The following MID1 variants were observed in gnomAD, a reference collection of about 807,000 sequenced individuals.
The protein encoded by MID1 is midline 1, also known as E3 ubiquitin-protein ligase Midline-1.
Under a neutral mutation model 40.4 loss-of-function variants are expected in MID1, and 7 were observed. The observed-to-expected ratio is 0.17, with a 90% CI of 0.10 to 0.33. The LOEUF (loss-of-function observed/expected upper bound fraction) is 0.33. Among genes scored for constraint, MID1 ranks in the 10% least tolerant of loss-of-function variants. MID1 has a pLI of 1.00. For synonymous variants in MID1, 229 were observed against 221.2 expected, an observed-to-expected ratio of 1.04 and a Z score of -0.31; for missense variants, 367 against 558.5, an observed-to-expected ratio of 0.66 and a Z score of 3.46.
At chrX:10,638,367 A>C (rs750877784) in intron 1 of MID1, among the ~76,000 whole-genome samples, 1 of 112,225 alleles carries the variant, frequency 8.9e-6, no homozygotes, top group East Asian at 2.8e-4. Context: ...TATCCTGCGC[A>C]TGGCTCGGAG....
At position 10,563,820 on chromosome X, in the gene MID1, A is replaced by G. The variant is rs141222010; in HGVS notation, c.660+3068T>C. ...ACGAGTTCAACATGTTAGAATTTTT[A>G]TCTCTTTTTCTTTTACACTTAGAAA... On this transcript the variant is annotated intron_variant, in intron 2 of 9. Coordinates refer to ENST00000317552, the MANE Select transcript of MID1 (RefSeq NM_000381.4). Among the ~76,000 whole-genome samples the G allele has an allele frequency of 5.3e-3, 599 of 112,272 alleles. 5 individuals are homozygous for G. The highest frequency in any genetic ancestry group is 0.018 in the African/African-American group (558 of 30,945).
At chrX:10,672,515 C>T (rs758743136) in intron 1 of MID1, among the ~76,000 whole-genome samples, 39 of 110,525 alleles carry the variant, frequency 3.5e-4, no homozygotes, top group Admixed American at 3.0e-3. Context: ...GGCAATGTGA[C>T]GAATGAAGCA....
At chrX:10,533,421 A>AAGAAAGAAAG (rs1933105075) in intron 2 of MID1, among the ~76,000 whole-genome samples, 2 of 106,260 alleles carry the variant, frequency 1.9e-5, no homozygotes, top group African/African-American at 6.8e-5. Flanking sequence ...GAAAGAAAGA[A>AAGAAAGAAAG]AGAAAGAAAG....
chrX:10,734,719 G>A (rs1179340664), intron 1 of MID1, among the ~76,000 whole-genome samples: 1 of 111,659 alleles, frequency 9.0e-6, no homozygotes, highest in African/African-American at 3.3e-5. Context: ...ATAGGTATGA[G>A]TCCATGTCTA....
At chrX:10,616,027 T>C (rs928803538) in intron 1 of MID1, among the ~76,000 whole-genome samples, 1 of 112,111 alleles carries the variant, frequency 8.9e-6, no homozygotes, top group African/African-American at 3.2e-5. Flanking sequence ...TAACTAATTG[T>C]TCCAAATAAG....
At chrX:10,544,752 T>C (rs1381833234) in intron 2 of MID1, among the ~76,000 whole-genome samples, 1 of 111,906 alleles carries the variant, frequency 8.9e-6, no homozygotes, top group Non-Finnish European at 1.9e-5. Flanking sequence ...ATAATTCTTA[T>C]CTAGCTCTCT....
chrX:10,724,442 T>G (rs980422625), intron 1 of MID1, among the ~76,000 whole-genome samples: 1 of 112,019 alleles, frequency 8.9e-6, no homozygotes, highest in Non-Finnish European at 1.9e-5. Context: ...GATGTTCATC[T>G]TGAAGGAGCT....
At chrX:10,770,859 A>G (rs1042001504) in intron 1 of MID1, among the ~76,000 whole-genome samples, 1 of 111,893 alleles carries the variant, frequency 8.9e-6, no homozygotes, top group Non-Finnish European at 1.9e-5. Flanking sequence ...AAATCCCAGC[A>G]CTTTGGGAGG....
intron 1 of MID1, among the ~76,000 whole-genome samples, chrX:10,805,864 G>A (rs2044041919): frequency 9.2e-6 from 1 of 109,284 alleles, no homozygotes; most frequent in African/African-American, 3.3e-5. Context: ...CTGCATAAAT[G>A]TCTTCTTTTG....
At chrX:10,731,557 A>G (rs912891276) in intron 1 of MID1, among the ~76,000 whole-genome samples, 3 of 112,083 alleles carry the variant, frequency 2.7e-5, no homozygotes, top group Non-Finnish European at 5.6e-5. Flanking sequence ...TGTGAGATGT[A>G]GCTTAAAGCA....
chrX:10,580,113 TACACACAC>T (rs34361228), intron 1 of MID1, among the ~76,000 whole-genome samples: 1 of 100,312 alleles, frequency 1.0e-5, no homozygotes, highest in African/African-American at 3.6e-5. Flanking sequence ...TTAAAACACA[TACACACAC>T]ACACACACAC....
chrX:10,715,176 T>A (rs1192729419), intron 1 of MID1, among the ~76,000 whole-genome samples: 1 of 111,814 alleles, frequency 8.9e-6, no homozygotes, highest in African/African-American at 3.3e-5. Flanking sequence ...TGCATCTCAC[T>A]GGGGATTGTT....
At chrX:10,554,556 T>C (rs1301513507) in intron 2 of MID1, among the ~76,000 whole-genome samples, 2 of 112,084 alleles carry the variant, frequency 1.8e-5, no homozygotes, top group African/African-American at 6.5e-5. Context: ...TTTTGTTACA[T>C]GCATAGAATC....
chrX:10,450,077 T>C (rs974404996), intron 9 of MID1, among the ~76,000 whole-genome samples: 7 of 112,746 alleles, frequency 6.2e-5, no homozygotes, highest in Admixed American at 2.8e-4. Flanking sequence ...CTTTCTTCAA[T>C]GACTGAAATG....
chrX:10,740,114 A>G (rs1387294321), intron 1 of MID1, among the ~76,000 whole-genome samples: 1 of 111,387 alleles, frequency 9.0e-6, no homozygotes, highest in African/African-American at 3.4e-5. Context: ...TTCTAGAACC[A>G]TAGCACCATC....
Position 10,450,882 on chromosome X carries a change from T to C in MID1, c.1656-1166A>G, listed in dbSNP as rs181612384. Among the ~76,000 whole-genome samples, 3 of 111,798 alleles carry C rather than the reference T, an allele frequency of 2.7e-5. No individual in the cohort carries two copies. The East Asian group carries it at 8.4e-4, about 31-fold the overall frequency. ...AAAACCCATCACTCTTTATAAAGAG[T>C]AAATGACTCACAGTTGAACTTTTAA... On this transcript the variant is annotated intron_variant, in intron 9 of 9. Transcript: ENST00000317552.
chrX:10,678,808 T>C (rs768307906), intron 1 of MID1, among the ~76,000 whole-genome samples: 1 of 112,231 alleles, frequency 8.9e-6, no homozygotes, highest in Non-Finnish European at 1.9e-5. Flanking sequence ...ATAAAATCAA[T>C]GTAAATTAAA....
At chrX:10,696,145 C>T (rs1224242837) in intron 1 of MID1, among the ~76,000 whole-genome samples, 1 of 111,300 alleles carries the variant, frequency 9.0e-6, no homozygotes, top group Admixed American at 9.5e-5. Context: ...AGGAGTTGGG[C>T]GAGTGGGCTC....
At chrX:10,472,300 A>C (rs1343410868) in intron 6 of MID1, among the ~76,000 whole-genome samples, 1 of 112,592 alleles carries the variant, frequency 8.9e-6, no homozygotes, top group African/African-American at 3.2e-5. Context: ...ACAGCTCAGA[A>C]GACATAATAG....
Sources: allele counts gnomAD v4.1 joint callset (sites outside exome capture counted in the v4.1 genomes callset), GRCh38; gene constraint gnomAD v4.1.1; transcripts MANE v1.5; gene names NCBI Gene and HGNC (gene_info 2026-07-23, HGNC 2026-07-21).